The following CDKAL1 variants were observed in gnomAD, a reference collection of about 807,000 sequenced individuals.
CDKAL1 encodes the protein CDKAL1 threonylcarbamoyladenosine tRNA methylthiotransferase.
Under a neutral mutation model 68.2 loss-of-function variants are expected in CDKAL1, and 32 were observed. That is an observed-to-expected ratio of 0.47 (90% CI 0.35 to 0.63). The LOEUF is 0.63. Among genes scored for constraint, CDKAL1 ranks in the 30% least tolerant of loss-of-function variants. The pLI, the probability that CDKAL1 is intolerant of heterozygous loss-of-function variation, is 0.00. For synonymous variants in CDKAL1, 234 were observed against 244.3 expected (o/e 0.96, Z 0.39); for missense variants, 606 against 696.7 (o/e 0.87, Z 1.47).
chr6:20,740,524 G>A (rs981814683), intron 6 of CDKAL1, among the ~76,000 whole-genome samples: 4 of 152,068 alleles, frequency 2.6e-5, no homozygotes, highest in Admixed American at 6.6e-5. Context: ...GATAAGCTCA[G>A]CAATGTTGTT....
At chr6:20,646,529 A>G (rs910236293) in intron 4 of CDKAL1, among the ~76,000 whole-genome samples, 7 of 151,864 alleles carry the variant, frequency 4.6e-5, no homozygotes, top group Admixed American at 6.6e-5. Flanking sequence ...AAATGTCATT[A>G]TGCAACACAT....
intron 5 of CDKAL1, among the ~76,000 whole-genome samples, chr6:20,716,582 G>T (rs1313262121): frequency 6.6e-6 from 1 of 151,856 alleles, no homozygotes; most frequent in Non-Finnish European, 1.5e-5. Context: ...TTTTGTTTTG[G>T]TTTGGTTGGG....
chr6:20,660,134 T>G (rs6456369), intron 5 of CDKAL1, among the ~76,000 whole-genome samples: 1 of 151,874 alleles, frequency 6.6e-6, no homozygotes, highest in African/African-American at 2.4e-5. Context: ...CCTTCTAAGC[T>G]TCACCTCACC....
chr6:20,681,529 A>G (rs1770374943), intron 5 of CDKAL1, among the ~76,000 whole-genome samples: 1 of 152,172 alleles, frequency 6.6e-6, no homozygotes, highest in African/African-American at 2.4e-5. Context: ...AGACAGTGTG[A>G]CTGTTATCAG....
chr6:21,099,479 A>C (rs551829898), intron 12 of CDKAL1, among the ~76,000 whole-genome samples: 1 of 152,076 alleles, frequency 6.6e-6, no homozygotes, highest in Non-Finnish European at 1.5e-5. Flanking sequence ...CACAGACTAC[A>C]CAAAAGGCAG....
intron 4 of CDKAL1, among the ~76,000 whole-genome samples, chr6:20,597,565 C>G (rs141052661): frequency 0.016 from 2,463 of 152,226 alleles, 76 homozygotes; most frequent in African/African-American, 0.056. Flanking sequence ...CAGGTGTGCA[C>G]CACCATGCCC....
chr6:20,642,330 ATGT>A (rs746626513), intron 4 of CDKAL1, among the ~76,000 whole-genome samples: 25 of 152,176 alleles, frequency 1.6e-4, no homozygotes, highest in Non-Finnish European at 2.9e-4. Context: ...ACTGGAAAAA[ATGT>A]TGTGACTTCT....
chr6:21,146,850 CAAAAAAAAAA>C (rs1194653980), intron 13 of CDKAL1, among the ~76,000 whole-genome samples: 1 of 78,260 alleles, frequency 1.3e-5, no homozygotes, highest in Non-Finnish European at 2.4e-5. Context: ...GACTCCGTCT[CAAAAAAAAAA>C]AAAAAAAAAA....
At position 20,563,793 on chromosome 6, in the gene CDKAL1, T is replaced by C. The variant is rs546211674; in HGVS notation, c.286+15088T>C. 2.0e-5 allele frequency among the ~76,000 whole-genome samples: 3 copies of C among 152,288 alleles called. No individual in the cohort carries two copies. The South Asian group carries it at 6.2e-4, about 32-fold the overall frequency. On this transcript the variant is annotated intron_variant, in intron 4 of 15. Transcript: ENST00000274695. ...TTTAATAAACATAAGTATCTTTTCCTTTCCAAATTATACAAAAAATACTAA... is the reference window on the plus strand; with the variant it reads ...TTTAATAAACATAAGTATCTTTTCCCTTCCAAATTATACAAAAAATACTAA...
Position 20,782,934 on chromosome 6 carries a change from T to A in CDKAL1, c.638+1669T>A, listed in dbSNP as rs75845685. Among the ~76,000 whole-genome samples, 1,290 of 152,240 alleles carry A rather than the reference T, an allele frequency of 8.5e-3. 15 individuals carry two copies. The highest frequency in any genetic ancestry group is 0.029 in the African/African-American group (1,185 of 41,526). On this transcript the variant is annotated intron_variant, in intron 8 of 15. Transcript: ENST00000274695. ...ACTTTCTCCTGAAAAATGCAGATTT[T>A]TTTTTCTTTTTTTTGAGATGGAGTC...
intron 11 of CDKAL1, among the ~76,000 whole-genome samples, chr6:21,022,146 T>C (rs973070185): frequency 6.6e-6 from 1 of 152,302 alleles, no homozygotes; most frequent in African/African-American, 2.4e-5. Flanking sequence ...GGAATGATAG[T>C]GGCCCCCAGC....
At chr6:20,723,754 T>C (rs1772504122) in intron 5 of CDKAL1, 1 of 152,264 alleles carries the variant, frequency 6.6e-6, no homozygotes, top group African/African-American at 2.4e-5. Flanking sequence ...GTGGAACTTT[T>C]TGATTATGCA....
intron 5 of CDKAL1, among the ~76,000 whole-genome samples, chr6:20,673,003 C>T (rs1408088136): frequency 6.6e-6 from 1 of 152,198 alleles, no homozygotes; most frequent in African/African-American, 2.4e-5. Context: ...TCTTGAACTC[C>T]TGACCTCAAG....
chr6:21,120,111 T>C (rs1774631814), intron 13 of CDKAL1, among the ~76,000 whole-genome samples: 1 of 152,264 alleles, frequency 6.6e-6, no homozygotes, highest in African/African-American at 2.4e-5. Context: ...CATTGTGTGC[T>C]CATATAATTC....
intron 5 of CDKAL1, among the ~76,000 whole-genome samples, chr6:20,725,790 A>C (rs948017664): frequency 3.3e-5 from 5 of 151,056 alleles, no homozygotes; most frequent in African/African-American, 9.8e-5. Context: ...GTCTAAAAAA[A>C]AAAAAAAAAA....
rs373609257 is a variant in CDKAL1 at position 20,682,234 on chromosome 6, T to C, written c.371+32857T>C. ...TTCTAGCTGTAATAGTCTGTACTTA[T>C]CTGATCTGCCGTTCCTTCTCTGCCT... On this transcript the variant is annotated intron_variant, in intron 5 of 15. Transcript: ENST00000274695. Among the ~76,000 whole-genome samples, 11 of 135,356 alleles carry C rather than the reference T, an allele frequency of 8.1e-5. No homozygotes were observed. In the East Asian group the frequency reaches 1.2e-3, roughly 14 times the overall value. The allele number at this position is 135,356 out of a possible 152,430, so 88.8% of individuals were successfully genotyped here.
At chr6:20,692,677 T>C (rs565906061) in intron 5 of CDKAL1, among the ~76,000 whole-genome samples, 2 of 152,284 alleles carry the variant, frequency 1.3e-5, no homozygotes, top group South Asian at 2.1e-4. Flanking sequence ...GTACTTTTTT[T>C]CTGGAAAATA....
At chr6:20,844,687 T>TAAA (rs35541206) in intron 8 of CDKAL1, among the ~76,000 whole-genome samples, 7,481 of 146,756 alleles carry the variant, frequency 0.051, 636 homozygotes, top group African/African-American at 0.17. Context: ...CCGTTTCTAT[T>TAAA]AAAAAAAAAA....
intron 12 of CDKAL1, among the ~76,000 whole-genome samples, chr6:21,068,966 A>G (rs1771605835): frequency 6.6e-6 from 1 of 152,174 alleles, no homozygotes; most frequent in African/African-American, 2.4e-5. Context: ...CATTGATACT[A>G]TTGAAATGAT....
Sources: allele counts gnomAD v4.1 joint callset (sites outside exome capture counted in the v4.1 genomes callset), GRCh38; gene constraint gnomAD v4.1.1; transcripts MANE v1.5; gene names NCBI Gene and HGNC (gene_info 2026-07-23, HGNC 2026-07-21).